The following UBE2R2 variants were observed in gnomAD, a reference collection of about 807,000 sequenced individuals.
The protein encoded by UBE2R2 is ubiquitin-conjugating enzyme E2 R2.
In UBE2R2, 1 loss-of-function variant was observed where a neutral mutation model predicts 27.8. The observed-to-expected ratio is 0.04, with a 90% CI of 0.01 to 0.17. The LOEUF (loss-of-function observed/expected upper bound fraction) is 0.17. Among genes scored for constraint, UBE2R2 ranks in the 10% least tolerant of loss-of-function variants. UBE2R2 has a pLI of 1.00. For missense variants in UBE2R2, 100 were observed against 291.0 expected, an observed-to-expected ratio of 0.34 and a Z score of 4.78; for synonymous variants, 106 against 113.3, an observed-to-expected ratio of 0.94 and a Z score of 0.41.
intron 3 of UBE2R2, 28 bp from the exon 4 acceptor site, chr9:33,911,936 A>G (rs1200854045): frequency 1.9e-6 from 3 of 1,602,030 alleles, no homozygotes; most frequent in African/African-American, 1.3e-5. Flanking sequence ...ATGGGTATTC[A>G]TAGCTGATCC....
rs1485456607 is a variant in UBE2R2, at chr9:33,839,977, CAG to C, written c.177+22046_177+22047del. On this transcript the variant is annotated intron_variant, in intron 1 of 4. Coordinates refer to ENST00000263228, the MANE Select transcript of UBE2R2 (RefSeq NM_017811.4). Reference sequence around the variant, plus strand: ...TGCCATTGTACTCCAATCTGGGTGACAGAGTGAGACCCTGACTCTTAAAAAAA... The same window carrying C: ...TGCCATTGTACTCCAATCTGGGTGACAGTGAGACCCTGACTCTTAAAAAAA... 5.3e-5 allele frequency among the ~76,000 whole-genome samples: 8 copies of C among 151,722 alleles called. No homozygotes were observed. In the South Asian group the frequency reaches 1.2e-3, roughly 24 times the overall value.
At chr9:33,916,979 G>C (rs1425844583) in intron 4 of UBE2R2, 39 bp from the exon 5 acceptor site, 1 of 1,607,124 alleles carries the variant, frequency 6.2e-7, no homozygotes. Flanking sequence ...CTTAAAAAAA[G>C]ACTTACCGTA....
intron 1 of UBE2R2, among the ~76,000 whole-genome samples, chr9:33,849,840 C>A (rs1391330921): frequency 6.6e-6 from 1 of 152,058 alleles, no homozygotes; most frequent in Non-Finnish European, 1.5e-5. Context: ...CCAGCCTGGG[C>A]AACAGAACCA....
intron 4 of UBE2R2, among the ~76,000 whole-genome samples, chr9:33,916,690 A>C (rs1411781155): frequency 6.6e-6 from 1 of 152,216 alleles, no homozygotes; most frequent in African/African-American, 2.4e-5. Flanking sequence ...ACCTGTTCTG[A>C]TTCTTAAGTC....
At chr9:33,879,610 G>T (rs1407340382) in intron 1 of UBE2R2, among the ~76,000 whole-genome samples, 2 of 151,778 alleles carry the variant, frequency 1.3e-5, no homozygotes, top group Non-Finnish European at 2.9e-5. Context: ...CGTCCACCAT[G>T]CTTGGCGAAT....
At chr9:33,913,995 A>AG (rs1342171689) in intron 4 of UBE2R2, among the ~76,000 whole-genome samples, 1 of 152,222 alleles carries the variant, frequency 6.6e-6, no homozygotes. Context: ...CAGAAAGCTT[A>AG]GGTATACATA....
At chr9:33,884,330 C>T (rs1158548636) in intron 1 of UBE2R2, among the ~76,000 whole-genome samples, 1 of 147,424 alleles carries the variant, frequency 6.8e-6, no homozygotes, top group Admixed American at 6.9e-5. Flanking sequence ...TGCTGCCCAG[C>T]CCTGAGTGCA....
At chr9:33,872,603 A>G (rs1464867679) in intron 1 of UBE2R2, among the ~76,000 whole-genome samples, 1 of 152,072 alleles carries the variant, frequency 6.6e-6, no homozygotes, top group African/African-American at 2.4e-5. Context: ...CCTGACCAAC[A>G]TGGAGAAACC....
At chr9:33,872,406 C>A (rs920723957) in intron 1 of UBE2R2, among the ~76,000 whole-genome samples, 12 of 151,960 alleles carry the variant, frequency 7.9e-5, no homozygotes, top group African/African-American at 2.9e-4. Context: ...AAGAAAAAGA[C>A]CCTCTTTCAG....
intron 2 of UBE2R2, among the ~76,000 whole-genome samples, chr9:33,889,432 C>G (rs1341208935): frequency 6.6e-6 from 1 of 151,956 alleles, no homozygotes; most frequent in Non-Finnish European, 1.5e-5. Context: ...TCTCGATTGC[C>G]TGGCCTCATG....
intron 1 of UBE2R2, among the ~76,000 whole-genome samples, chr9:33,866,874 A>G (rs1413315056): frequency 2.0e-5 from 3 of 152,192 alleles, no homozygotes; most frequent in Admixed American, 2.0e-4. Context: ...GAATCCACAT[A>G]CATGTATTGT....
intron 1 of UBE2R2, among the ~76,000 whole-genome samples, chr9:33,884,229 T>TCTCTCTTC (rs1821802727): frequency 6.8e-6 from 1 of 146,304 alleles, no homozygotes; most frequent in African/African-American, 2.5e-5. Context: ...TCTCTCTCTC[T>TCTCTCTTC]CTCTCTTCCC....
At chr9:33,892,072 A>ATTAGTATCAATGGAG (rs1821998238) in intron 2 of UBE2R2, among the ~76,000 whole-genome samples, 2 of 152,184 alleles carry the variant, frequency 1.3e-5, no homozygotes, top group Non-Finnish European at 1.5e-5. Flanking sequence ...AGAACTAGGA[A>ATTAGTATCAATGGAG]AACTAAGGAA....
chr9:33,877,138 GA>G (rs1821621746), intron 1 of UBE2R2, among the ~76,000 whole-genome samples: 1 of 150,350 alleles, frequency 6.7e-6, no homozygotes, highest in Non-Finnish European at 1.5e-5. Context: ...ACTACTTCTA[GA>G]ATAAAGTCAA....
At chr9:33,896,028 C>T (rs1488533294) in intron 2 of UBE2R2, among the ~76,000 whole-genome samples, 2 of 151,940 alleles carry the variant, frequency 1.3e-5, no homozygotes, top group Non-Finnish European at 2.9e-5. Flanking sequence ...CAGCCCCGGC[C>T]CCCCAAAGTG....
At chr9:33,871,616 A>T (rs1254520551) in intron 1 of UBE2R2, among the ~76,000 whole-genome samples, 2 of 152,218 alleles carry the variant, frequency 1.3e-5, no homozygotes, top group Non-Finnish European at 2.9e-5. Flanking sequence ...GTATTAGTCA[A>T]AAAAGATGTA....
chr9:33,858,729 G>A (rs1445448624), intron 1 of UBE2R2, among the ~76,000 whole-genome samples: 3 of 152,124 alleles, frequency 2.0e-5, no homozygotes, highest in Non-Finnish European at 4.4e-5. Flanking sequence ...TTTAATTAGA[G>A]TCAGTGCTAA....
At chr9:33,861,424 A>G (rs948778653) in intron 1 of UBE2R2, among the ~76,000 whole-genome samples, 4 of 152,052 alleles carry the variant, frequency 2.6e-5, no homozygotes, top group African/African-American at 9.7e-5. Flanking sequence ...AGAAAATACA[A>G]AAATACAAAA....
chr9:33,842,357 A>C (rs1252525343), intron 1 of UBE2R2, among the ~76,000 whole-genome samples: 3 of 152,222 alleles, frequency 2.0e-5, no homozygotes, highest in African/African-American at 7.2e-5. Flanking sequence ...GCCTTATGGC[A>C]CTGCACTCCA....
Sources: gnomAD v4.1 joint callset for allele counts (sites outside exome capture counted in the v4.1 genomes callset) on GRCh38, gnomAD v4.1.1 for gene constraint, MANE v1.5 for transcripts, NCBI Gene and HGNC (gene_info 2026-07-23, HGNC 2026-07-21) for gene names.